Variants in MACROD2 observed in about 807,000 individuals in gnomAD.
MACROD2 encodes mono-ADP ribosylhydrolase 2.
MACROD2 carries 36 observed loss-of-function variants against 70.4 expected under a neutral mutation model. The observed-to-expected ratio is 0.51, with a 90% CI of 0.39 to 0.68. The LOEUF is 0.68. Among genes scored for constraint, MACROD2 ranks in the 30% least tolerant of loss-of-function variants. MACROD2 has a pLI of 0.00. For synonymous variants in MACROD2, 172 were observed against 178.8 expected (o/e 0.96, Z 0.30); for missense variants, 496 against 538.4 (o/e 0.92, Z 0.78).
intron 8 of MACROD2, among the ~76,000 whole-genome samples, chr20:15,506,905 T>G (rs540025621): frequency 5.3e-4 from 81 of 152,346 alleles, no homozygotes; most frequent in African/African-American, 1.9e-3. Context: ...TCTGAGTACC[T>G]ATTATGGTCT....
intron 8 of MACROD2, among the ~76,000 whole-genome samples, chr20:15,548,598 C>T (rs2048055582): frequency 6.6e-6 from 1 of 152,080 alleles, no homozygotes; most frequent in Non-Finnish European, 1.5e-5. Flanking sequence ...GTTTTATCAT[C>T]TTGGCCAGGC....
chr20:15,574,596 G>A (rs182494403), intron 8 of MACROD2, among the ~76,000 whole-genome samples: 2 of 152,202 alleles, frequency 1.3e-5, no homozygotes, highest in African/African-American at 4.8e-5. Context: ...GAATCTCCTG[G>A]TTTAAATTTC....
intron 5 of MACROD2, among the ~76,000 whole-genome samples, chr20:15,063,141 A>G (rs1044826177): frequency 6.6e-5 from 10 of 152,154 alleles, no homozygotes; most frequent in Admixed American, 1.3e-4. Context: ...TGAGTAAGGC[A>G]TGGCTCCCAG....
chr20:15,551,337 TA>T (rs149415845), intron 8 of MACROD2, among the ~76,000 whole-genome samples: 20,636 of 143,484 alleles, frequency 0.14, 1,792 homozygotes, highest in East Asian at 0.49. Flanking sequence ...ATTTAATATT[TA>T]AAAAAAAAAA....
At chr20:14,119,133 C>A (rs1244988055) in intron 3 of MACROD2, among the ~76,000 whole-genome samples, 1 of 148,590 alleles carries the variant, frequency 6.7e-6, no homozygotes, top group Non-Finnish European at 1.5e-5. Context: ...CAGGCGTGAG[C>A]CACCGCGCCT....
intron 7 of MACROD2, among the ~76,000 whole-genome samples, chr20:15,463,832 C>T (rs1388908597): frequency 6.6e-6 from 1 of 152,200 alleles, no homozygotes; most frequent in Non-Finnish European, 1.5e-5. Flanking sequence ...AAACAGGTTA[C>T]ATTTACTGAA....
chr20:15,636,809 T>A (rs1467685316), intron 8 of MACROD2, among the ~76,000 whole-genome samples: 1 of 152,068 alleles, frequency 6.6e-6, no homozygotes, highest in African/African-American at 2.4e-5. Flanking sequence ...GGGGATGTTT[T>A]GCCTGAGAAG....
At chr20:14,581,914 T>G (rs1325215370) in intron 4 of MACROD2, among the ~76,000 whole-genome samples, 1 of 152,192 alleles carries the variant, frequency 6.6e-6, no homozygotes, top group East Asian at 1.9e-4. Flanking sequence ...GGTAGGAGCA[T>G]GCTCTTCTTT....
At chr20:15,558,524 G>A (rs1021494056) in intron 8 of MACROD2, among the ~76,000 whole-genome samples, 1 of 152,238 alleles carries the variant, frequency 6.6e-6, no homozygotes, top group East Asian at 1.9e-4. Flanking sequence ...AAGGTGCTGG[G>A]GTTCCCCCAA....
intron 3 of MACROD2, among the ~76,000 whole-genome samples, chr20:14,191,126 C>T (rs1006711851): frequency 9.9e-5 from 15 of 152,100 alleles, no homozygotes; most frequent in Non-Finnish European, 1.6e-4. Flanking sequence ...ATCTTGTGTA[C>T]GTATTGCTTC....
chr20:15,458,822 C>G (rs2046769086), intron 7 of MACROD2, among the ~76,000 whole-genome samples: 1 of 151,974 alleles, frequency 6.6e-6, no homozygotes, highest in African/African-American at 2.4e-5. Context: ...TGGAGGAGGA[C>G]AGCATTGGGC....
Position 15,806,589 on chromosome 20 carries a change from C to T in MACROD2, c.646-56156C>T, listed in dbSNP as rs367611421. ...CTGAGGAAGCATTTCACAGCTGGACCTTATGTTTTTTTTTCAAAGAACAGA... is the reference window on the plus strand; with the variant it reads ...CTGAGGAAGCATTTCACAGCTGGACTTTATGTTTTTTTTTCAAAGAACAGA... On this transcript the variant is annotated intron_variant, in intron 8 of 17. Transcript: ENST00000684519. 1.8e-4 allele frequency among the ~76,000 whole-genome samples: 28 copies of T among 151,986 alleles called. No homozygotes were observed. In the South Asian group the frequency reaches 5.8e-3, roughly 32 times the overall value.
chr20:15,628,287 G>A (rs985305480), intron 8 of MACROD2, among the ~76,000 whole-genome samples: 2 of 152,062 alleles, frequency 1.3e-5, no homozygotes, highest in African/African-American at 4.8e-5. Flanking sequence ...CAAATAAATA[G>A]GTCAGCCTTT....
At chr20:14,298,435 G>A (rs897174083) in intron 3 of MACROD2, among the ~76,000 whole-genome samples, 4 of 151,614 alleles carry the variant, frequency 2.6e-5, no homozygotes, top group African/African-American at 9.7e-5. Flanking sequence ...GGATGTGGTG[G>A]TGGGTGTCTG....
chr20:14,483,570 C>T (rs962976706), intron 3 of MACROD2, among the ~76,000 whole-genome samples: 1 of 152,044 alleles, frequency 6.6e-6, no homozygotes, highest in Non-Finnish European at 1.5e-5. Context: ...CCACGCCTGG[C>T]TTATTTTGTA....
chr20:15,253,009 G>A (rs4814351), intron 6 of MACROD2, among the ~76,000 whole-genome samples: 12,334 of 152,212 alleles, frequency 0.081, 1,059 homozygotes, highest in African/African-American at 0.22. Context: ...AGGTAGAACC[G>A]TATACATTTT....
chr20:14,519,307 C>T (rs535336516), intron 4 of MACROD2, among the ~76,000 whole-genome samples: 123 of 152,186 alleles, frequency 8.1e-4, no homozygotes, highest in African/African-American at 2.8e-3. Flanking sequence ...TCTGTTTACT[C>T]CTGAAATCCT....
At chr20:14,705,122 CA>C (rs1373943825) in intron 5 of MACROD2, among the ~76,000 whole-genome samples, 5 of 150,596 alleles carry the variant, frequency 3.3e-5, no homozygotes, top group Non-Finnish European at 5.9e-5. Flanking sequence ...ACTTACATAG[CA>C]AAAAAAAATC....
chr20:16,000,643 A>C (rs73235897), intron 15 of MACROD2, among the ~76,000 whole-genome samples: 7,794 of 152,238 alleles, frequency 0.051, 450 homozygotes, highest in African/African-American at 0.14. Flanking sequence ...TAAAGTAAAG[A>C]AGGTTCTACC....
Sources: gnomAD v4.1 joint callset for allele counts (sites outside exome capture counted in the v4.1 genomes callset) on GRCh38, gnomAD v4.1.1 for gene constraint, MANE v1.5 for transcripts, NCBI Gene and HGNC (gene_info 2026-07-23, HGNC 2026-07-21) for gene names.